DPP6: variants seen among roughly 807,000 people sequenced by gnomAD.
The protein encoded by DPP6 is A-type potassium channel modulatory protein DPP6.
DPP6 carries 69 observed loss-of-function variants against 122.6 expected under a neutral mutation model. The observed-to-expected ratio is 0.56, with a 90% confidence interval of 0.46 to 0.69. The LOEUF (loss-of-function observed/expected upper bound fraction) is 0.69, where lower values mean the gene tolerates loss of function less well. Among genes scored for constraint, DPP6 ranks in the 30% least tolerant of loss-of-function variants. DPP6 has a pLI of 0.00. For synonymous variants in DPP6, 418 were observed against 433.1 expected (o/e 0.97, Z 0.43); for missense variants, 928 against 1,116.9 (o/e 0.83, Z 2.41).
intron 6 of DPP6, among the ~76,000 whole-genome samples, chr7:154,649,743 G>GCCATCTC (rs1334048488): frequency 1.3e-5 from 2 of 152,208 alleles, no homozygotes. Context: ...GCCTGACTGT[G>GCCATCTC]CCATCTCTCA....
At chr7:154,635,750 C>G (rs912297940) in intron 5 of DPP6, among the ~76,000 whole-genome samples, 1 of 152,120 alleles carries the variant, frequency 6.6e-6, no homozygotes, top group Non-Finnish European at 1.5e-5. Flanking sequence ...GATGGGGAAC[C>G]CATTTCCACA....
At chr7:154,555,458 G>A (rs952223810) in intron 4 of DPP6, among the ~76,000 whole-genome samples, 1 of 151,946 alleles carries the variant, frequency 6.6e-6, no homozygotes, top group African/African-American at 2.4e-5. Context: ...ACACACCGGC[G>A]ACTGTTGTGG....
intron 1 of DPP6, among the ~76,000 whole-genome samples, chr7:154,041,947 C>T (rs1249338905): frequency 3.3e-5 from 5 of 152,036 alleles, no homozygotes; most frequent in Non-Finnish European, 5.9e-5. Flanking sequence ...TTAGTAGAGC[C>T]GGGGTTTCAC....
rs1362252192 is a variant in DPP6, at chr7:154,821,645, T to TATATATACAC, written c.1666+14534_1666+14535insTATATACACA. 3.5e-5 allele frequency among the ~76,000 whole-genome samples: 4 copies of TATATATACAC among 115,182 alleles called. No individual in the cohort carries two copies. The highest frequency in any genetic ancestry group is 5.4e-5 in the Non-Finnish European group (3 of 55,876). 75.6% of individuals were successfully genotyped at this position (115,182 alleles called of 152,430 possible). A position where few individuals can be genotyped will look rare whatever the true frequency, so the allele number is the denominator to read the frequency against. ...TTTTTTCTGTATATATATATATATA[T>TATATATACAC]ACACATATATATATATATACACATA... On this transcript the variant is annotated intron_variant, in intron 16 of 25. Transcript: ENST00000377770. The surrounding 1 kb of genome is among the most constrained non-coding windows in gnomAD (Gnocchi z 4.2).
intron 7 of DPP6, among the ~76,000 whole-genome samples, chr7:154,685,686 A>G (rs189495190): frequency 5.1e-4 from 78 of 152,352 alleles, no homozygotes; most frequent in Middle Eastern, 6.8e-3. Context: ...TCATTAAAAC[A>G]TTGCCAGGGA....
At chr7:154,706,741 AC>A (rs1840852202) in intron 7 of DPP6, among the ~76,000 whole-genome samples, 1 of 152,254 alleles carries the variant, frequency 6.6e-6, no homozygotes, top group Non-Finnish European at 1.5e-5. Context: ...TATTTTGAGA[AC>A]TTTTTCTCAG....
intron 1 of DPP6, among the ~76,000 whole-genome samples, chr7:154,177,970 G>A (rs1025263661): frequency 9.2e-5 from 14 of 152,248 alleles, no homozygotes; most frequent in African/African-American, 2.9e-4. Context: ...GAACATTGTG[G>A]CCCTGAGTCC....
intron 1 of DPP6, among the ~76,000 whole-genome samples, chr7:153,949,265 G>A (rs57635367): frequency 0.29 from 44,459 of 152,110 alleles, 7,078 homozygotes; most frequent in East Asian, 0.53. Flanking sequence ...CTGAGAAGGA[G>A]ATGTGGCAGT....
intron 1 of DPP6, among the ~76,000 whole-genome samples, chr7:154,063,569 TC>T (rs1173668000): frequency 6.1e-5 from 7 of 115,268 alleles, no homozygotes; most frequent in African/African-American, 1.6e-4. Flanking sequence ...TATCCCCTCT[TC>T]CGCCTCTGGC....
At chr7:154,397,425 G>A (rs2151178421) in intron 1 of DPP6, among the ~76,000 whole-genome samples, 1 of 152,244 alleles carries the variant, frequency 6.6e-6, no homozygotes, top group Admixed American at 6.5e-5. Context: ...CTTTAGAAAC[G>A]AGAGAGTATT....
chr7:153,995,197 T>C (rs1797365378), intron 1 of DPP6, among the ~76,000 whole-genome samples: 1 of 152,174 alleles, frequency 6.6e-6, no homozygotes, highest in African/African-American at 2.4e-5. Context: ...ATTGAGGTGC[T>C]ATTCACAGTA....
chr7:154,429,996 C>T (rs1217973592), intron 1 of DPP6, among the ~76,000 whole-genome samples: 4 of 152,148 alleles, frequency 2.6e-5, no homozygotes. Flanking sequence ...GCCTGCCTCC[C>T]ACCCTCAAAG....
chr7:154,568,308 T>C (rs1388012580), intron 5 of DPP6, among the ~76,000 whole-genome samples: 1 of 152,234 alleles, frequency 6.6e-6, no homozygotes, highest in Non-Finnish European at 1.5e-5. Flanking sequence ...CATGGATGTG[T>C]TCTGGTTTGC....
At chr7:154,051,323 C>A (rs1358864525), upstream of DPP6, among the ~76,000 whole-genome samples, 1 of 129,436 alleles carries the variant, frequency 7.7e-6, no homozygotes, top group Admixed American at 7.5e-5. Flanking sequence ...AGGTCCTTCC[C>A]GGCCGGGAAG....
the DPP6 span, among the ~76,000 whole-genome samples, chr7:153,837,060 A>G: frequency 6.6e-6 from 1 of 152,174 alleles, no homozygotes. Flanking sequence ...CACACCGCCA[A>G]GAAAATATTT....
chr7:154,238,478 T>A (rs749536281), intron 1 of DPP6, among the ~76,000 whole-genome samples: 26 of 152,156 alleles, frequency 1.7e-4, no homozygotes, highest in Non-Finnish European at 3.1e-4. Flanking sequence ...AGAGGTTAAG[T>A]CAGAGTCGGA....
intron 1 of DPP6, among the ~76,000 whole-genome samples, chr7:154,276,409 CT>C (rs1209648766): frequency 6.6e-6 from 1 of 152,186 alleles, no homozygotes; most frequent in Non-Finnish European, 1.5e-5. Flanking sequence ...GAACATTTCC[CT>C]TTTGACAGCC....
intron 1 of DPP6, among the ~76,000 whole-genome samples, chr7:153,982,654 G>A (rs530456578): frequency 9.2e-5 from 14 of 152,186 alleles, no homozygotes; most frequent in South Asian, 2.1e-4. Context: ...GCCTTTTCGC[G>A]CTGGTTTTTC....
At chr7:154,350,592 T>A (rs1810769329) in intron 1 of DPP6, among the ~76,000 whole-genome samples, 1 of 152,152 alleles carries the variant, frequency 6.6e-6, no homozygotes, top group Admixed American at 6.5e-5. Context: ...TGGGGGCCTG[T>A]GGTCTGACCC....
Sources: allele counts gnomAD v4.1 joint callset (sites outside exome capture counted in the v4.1 genomes callset), GRCh38; gene constraint gnomAD v4.1.1; non-coding constraint Gnocchi (gnomAD v3.1); transcripts MANE v1.5; gene names NCBI Gene and HGNC (gene_info 2026-07-23, HGNC 2026-07-21).